The following VPS13B variants were observed in gnomAD, a reference collection of about 807,000 sequenced individuals.
VPS13B encodes vacuolar protein sorting 13 homolog B, also known as intermembrane lipid transfer protein VPS13B.
A neutral mutation model predicts 426.4 loss-of-function variants in VPS13B; 285 were observed. That is an observed-to-expected ratio of 0.67 (90% confidence interval 0.61 to 0.74). The LOEUF is 0.74. Ranked by LOEUF, VPS13B falls within the 30% of genes least tolerant of loss-of-function variation. The probability of loss-of-function intolerance (pLI) is 0.00; values close to 1 mark genes in which losing one functional copy is unlikely to be tolerated. For synonymous variants in VPS13B, 1,676 were observed against 1,676.4 expected (o/e 1.00, Z 0.01); for missense variants, 4,537 against 4,782.6 (o/e 0.95, Z 1.51).
At chr8:99,156,855 A>C in intron 15 of VPS13B, 112 bp downstream of exon 15, 1 of 972,606 alleles carries the variant, frequency 1.0e-6, no homozygotes, top group Middle Eastern at 2.6e-4. Context: ...TCTAAAAGGT[A>C]AGATTTAAAT....
At chr8:99,211,845 T>C (rs1815105684) in intron 17 of VPS13B, among the ~76,000 whole-genome samples, 1 of 152,220 alleles carries the variant, frequency 6.6e-6, no homozygotes, top group African/African-American at 2.4e-5. Context: ...CGAGTTTCTT[T>C]TGGAGAACTC....
In VPS13B at chr8:99,779,049, C is replaced by T. The variant is rs1452100392; in HGVS notation, c.7779+18C>T. On this transcript the variant is annotated intron_variant, in intron 42 of 61. Coordinates refer to ENST00000357162, the MANE Select transcript of VPS13B (RefSeq NM_152564.5). The stretch of plus-strand genomic sequence containing the variant: ...GGCAACAGGTATGCACATTCCATAA[C>T]AGTTTACAGTTTGGCCACATATGAT... 2 of 1,604,984 alleles carry T rather than the reference C, an allele frequency of 1.2e-6. No homozygotes were observed. The highest frequency in any genetic ancestry group is 2.2e-5 in the East Asian group (1 of 44,740).
chr8:99,257,793 C>CTT (rs879425028), intron 17 of VPS13B, among the ~76,000 whole-genome samples: 1 of 142,508 alleles, frequency 7.0e-6, no homozygotes, highest in Admixed American at 7.0e-5. Context: ...CTAATGCTGA[C>CTT]TTTTTTTTTT....
At chr8:99,302,343 G>C (rs1477843311) in intron 19 of VPS13B, among the ~76,000 whole-genome samples, 1 of 152,184 alleles carries the variant, frequency 6.6e-6, no homozygotes, top group Non-Finnish European at 1.5e-5. Flanking sequence ...ACTGTAAGTT[G>C]ACAATGCATT....
At chr8:99,163,098 C>T (rs1424666671) in intron 15 of VPS13B, among the ~76,000 whole-genome samples, 5 of 151,306 alleles carry the variant, frequency 3.3e-5, no homozygotes, top group Non-Finnish European at 5.9e-5. Context: ...AGGGTGCTGA[C>T]TGGTGTGTTT....
chr8:99,428,738 C>G (rs1413413906), intron 21 of VPS13B, among the ~76,000 whole-genome samples: 2 of 152,160 alleles, frequency 1.3e-5, no homozygotes, highest in African/African-American at 2.4e-5. Context: ...CCTCAGGGAT[C>G]AAGAACTAGA....
chr8:99,071,841 T>C (rs768864165), intron 3 of VPS13B, among the ~76,000 whole-genome samples: 1 of 152,174 alleles, frequency 6.6e-6, no homozygotes, highest in African/African-American at 2.4e-5. Flanking sequence ...GAGACTCTCA[T>C]TGTGGCCATC....
chr8:99,850,747 GA>G (rs1816246607), intron 55 of VPS13B, among the ~76,000 whole-genome samples: 1 of 152,036 alleles, frequency 6.6e-6, no homozygotes, highest in Admixed American at 6.6e-5. Context: ...CCAACATGGC[GA>G]AACCCTGTCT....
chr8:99,146,869 C>T (rs985770050), intron 13 of VPS13B, among the ~76,000 whole-genome samples: 2 of 152,078 alleles, frequency 1.3e-5, no homozygotes, highest in African/African-American at 4.8e-5. Context: ...TGTGCTGGCA[C>T]TTGACTCTTT....
intron 34 of VPS13B, among the ~76,000 whole-genome samples, chr8:99,646,556 G>C (rs964220901): frequency 6.6e-6 from 1 of 152,124 alleles, no homozygotes; most frequent in South Asian, 2.1e-4. Context: ...TTTCTATAAG[G>C]TAACTCCAGT....
intron 8 of VPS13B, among the ~76,000 whole-genome samples, chr8:99,127,973 T>C (rs1809522398): frequency 6.6e-6 from 1 of 152,166 alleles, no homozygotes; most frequent in Admixed American, 6.6e-5. Context: ...AATTAATGTA[T>C]ATGAAGAACA....
chr8:99,766,900 A>T lies in VPS13B; in HGVS notation c.7177A>T (p.Lys2393Ter). 1 of 1,614,080 alleles carries T rather than the reference A, an allele frequency of 6.2e-7. No homozygotes were observed. The highest frequency in any genetic ancestry group is 8.5e-7 in the Non-Finnish European group (1 of 1,179,980). Residue 2393 changes from lysine to a stop codon, truncating the protein, a stop_gained, in exon 40 of 62, where the codon AAG (lysine) becomes TAG (stop). Transcript: ENST00000357162. LOFTEE classifies it high-confidence loss of function. ...LPDINLVNDQKKLVSSDLWRI... is the reference protein window; with the variant it reads ...LPDINLVNDQ ...GGATATCAATCTCGTGAATGACCAG[A>T]AGAAATTAGTATCTTCAGATCTTTG...
At chr8:99,301,052 A>C (rs1588224612) in intron 19 of VPS13B, among the ~76,000 whole-genome samples, 1 of 151,660 alleles carries the variant, frequency 6.6e-6, no homozygotes, top group Non-Finnish European at 1.5e-5. Context: ...CCATCTCTAC[A>C]AAAAAATACC....
At chr8:99,379,546 G>A (rs1813680226) in intron 19 of VPS13B, among the ~76,000 whole-genome samples, 1 of 151,940 alleles carries the variant, frequency 6.6e-6, no homozygotes, top group Admixed American at 6.6e-5. Flanking sequence ...ATAATAATTG[G>A]CTATCTTTCA....
intron 54 of VPS13B, among the ~76,000 whole-genome samples, chr8:99,846,084 G>C (rs1279458115): frequency 6.6e-6 from 1 of 152,188 alleles, no homozygotes; most frequent in Non-Finnish European, 1.5e-5. Flanking sequence ...GTGGACACTA[G>C]AAGTCAATAC....
intron 19 of VPS13B, among the ~76,000 whole-genome samples, chr8:99,287,002 C>T (rs1256611908): frequency 7.9e-5 from 12 of 152,110 alleles, no homozygotes; most frequent in Admixed American, 7.9e-4. Flanking sequence ...TTTCAGCCAG[C>T]TGCTTTGCCA....
chr8:99,575,578 T>A (rs1825738297), intron 31 of VPS13B, 80 bp from the exon 32 acceptor site: 3 of 1,578,082 alleles, frequency 1.9e-6, no homozygotes, highest in Non-Finnish European at 2.6e-6. Context: ...ATGTTTGTAG[T>A]ACAAAGACTT....
At chr8:99,203,161 A>G (rs1814457983) in intron 17 of VPS13B, among the ~76,000 whole-genome samples, 1 of 152,150 alleles carries the variant, frequency 6.6e-6, no homozygotes, top group South Asian at 2.1e-4. Context: ...AAGCTTATCC[A>G]CGACGATCAA....
chr8:99,292,208 G>A (rs1819776269), intron 19 of VPS13B, among the ~76,000 whole-genome samples: 1 of 152,056 alleles, frequency 6.6e-6, no homozygotes, highest in Non-Finnish European at 1.5e-5. Flanking sequence ...ACAAAGCATG[G>A]CATAAGTATG....
Sources: allele counts gnomAD v4.1 joint callset (sites outside exome capture counted in the v4.1 genomes callset), GRCh38; gene constraint gnomAD v4.1.1; transcripts MANE v1.5; gene names NCBI Gene and HGNC (gene_info 2026-07-23, HGNC 2026-07-21).